Variants in DNMBP observed in about 807,000 individuals in gnomAD.
DNMBP encodes the protein dynamin binding protein, also known as dynamin-binding protein.
In DNMBP, 87 loss-of-function variants were observed where a neutral mutation model predicts 150.0. The observed-to-expected ratio is 0.58, with a 90% CI of 0.49 to 0.69. The LOEUF (loss-of-function observed/expected upper bound fraction) is 0.69. Among genes scored for constraint, DNMBP ranks in the 30% least tolerant of loss-of-function variants. The pLI is 0.00. For missense variants in DNMBP, 1,774 were observed against 1,949.0 expected, an observed-to-expected ratio of 0.91 and a Z score of 1.69; for synonymous variants, 711 against 750.4, an observed-to-expected ratio of 0.95 and a Z score of 0.86.
At chr10:99,913,971 G>A (rs1448818222) in intron 4 of DNMBP, 3 of 1,457,182 alleles carry the variant, frequency 2.1e-6, no homozygotes, top group South Asian at 1.4e-5. Context: ...CCCAGAGCTG[G>A]CTGTGTGTGG....
chr10:99,990,696 C>A (rs1045751123), intron 1 of DNMBP, among the ~76,000 whole-genome samples: 3 of 149,144 alleles, frequency 2.0e-5, no homozygotes, highest in Admixed American at 2.0e-4. Context: ...CATATATATA[C>A]ACACACATAT....
chr10:99,899,041 A>C (rs2039700999), intron 7 of DNMBP, among the ~76,000 whole-genome samples: 2 of 151,648 alleles, frequency 1.3e-5, no homozygotes, highest in South Asian at 4.2e-4. Flanking sequence ...AAAAACATAA[A>C]AATTAGCTAG....
chr10:99,909,792 C>G (rs942169655), intron 4 of DNMBP, among the ~76,000 whole-genome samples: 1 of 152,164 alleles, frequency 6.6e-6, no homozygotes, highest in Non-Finnish European at 1.5e-5. Context: ...CTAGTAGATA[C>G]AAACTTACTA....
At chr10:99,902,303 C>CT (rs34120125) in intron 6 of DNMBP, among the ~76,000 whole-genome samples, 1,928 of 82,636 alleles carry the variant, frequency 0.023, 187 homozygotes, top group African/African-American at 0.051. Flanking sequence ...AGCCTCCCTT[C>CT]TTTTTTTTTT....
chr10:99,932,209 A>C (rs1421443964), intron 4 of DNMBP, among the ~76,000 whole-genome samples: 2 of 152,210 alleles, frequency 1.3e-5, no homozygotes, highest in Non-Finnish European at 2.9e-5. Flanking sequence ...TTGTGAAATA[A>C]TATCCAGAAC....
intron 15 of DNMBP, among the ~76,000 whole-genome samples, chr10:99,882,606 T>C (rs774473361): frequency 2.0e-5 from 3 of 151,998 alleles, no homozygotes; most frequent in Non-Finnish European, 2.9e-5. Context: ...CCGTACCCCA[T>C]AGATATGAAC....
chr10:99,990,279 G>A (rs933814554), intron 1 of DNMBP, among the ~76,000 whole-genome samples: 3 of 152,114 alleles, frequency 2.0e-5, no homozygotes, highest in South Asian at 2.1e-4. Flanking sequence ...CTGGCTAGGC[G>A]TGGTGGCTCA....
intron 4 of DNMBP, among the ~76,000 whole-genome samples, chr10:99,917,294 T>C (rs545963872): frequency 2.0e-4 from 30 of 151,980 alleles, no homozygotes; most frequent in Middle Eastern, 3.4e-3. Flanking sequence ...GAGATGGAGG[T>C]TGCAGTGAGC....
At chr10:99,924,549 G>A (rs1018747470) in intron 4 of DNMBP, among the ~76,000 whole-genome samples, 4 of 152,344 alleles carry the variant, frequency 2.6e-5, no homozygotes, top group Admixed American at 2.0e-4. Context: ...TTTGTATTTT[G>A]TCTCTTCAAC....
chr10:99,996,615 AAAT>A (rs1226083732), intron 1 of DNMBP, among the ~76,000 whole-genome samples: 2 of 152,218 alleles, frequency 1.3e-5, no homozygotes, highest in East Asian at 3.8e-4. Context: ...CCAGCTAGTA[AAAT>A]AATAATAAAA....
intron 1 of DNMBP, among the ~76,000 whole-genome samples, chr10:99,976,897 T>C (rs2040733764): frequency 6.6e-6 from 1 of 152,216 alleles, no homozygotes; most frequent in African/African-American, 2.4e-5. Flanking sequence ...TTTTTCTTCT[T>C]ATACTACATT....
At chr10:99,947,615 G>C (rs2040372791) in intron 4 of DNMBP, among the ~76,000 whole-genome samples, 1 of 152,028 alleles carries the variant, frequency 6.6e-6, no homozygotes, top group African/African-American at 2.4e-5. Flanking sequence ...CTGCCTATTA[G>C]GTACTATGTT....
chr10:99,968,992 G>C (rs1166950812), intron 3 of DNMBP, 123 bp downstream of exon 3: 1 of 1,051,986 alleles, frequency 9.5e-7, no homozygotes, highest in Non-Finnish European at 1.4e-6. Context: ...CACGCTATTT[G>C]GTATTGCCGA....
At chr10:99,975,323 C>T (rs2040717040) in intron 1 of DNMBP, among the ~76,000 whole-genome samples, 2 of 151,360 alleles carry the variant, frequency 1.3e-5, no homozygotes, top group African/African-American at 2.4e-5. Flanking sequence ...CGCACCATTG[C>T]ACTCCAGCCT....
At chr10:99,918,330 G>A (rs2039988953) in intron 4 of DNMBP, among the ~76,000 whole-genome samples, 1 of 152,088 alleles carries the variant, frequency 6.6e-6, no homozygotes, top group South Asian at 2.1e-4. Context: ...AACTTCAGAG[G>A]TAAATCTATT....
intron 3 of DNMBP, among the ~76,000 whole-genome samples, chr10:99,959,686 C>CT (rs1194805572): frequency 1.3e-5 from 2 of 151,478 alleles, no homozygotes; most frequent in African/African-American, 4.9e-5. Context: ...GACCGCGTCT[C>CT]TATTTAAAAT....
chr10:99,893,595 G>A (rs780308062), intron 11 of DNMBP, among the ~76,000 whole-genome samples: 5 of 152,162 alleles, frequency 3.3e-5, no homozygotes, highest in Non-Finnish European at 5.9e-5. Flanking sequence ...TTAGCTGGGC[G>A]TGGTGGTGTA....
At chr10:99,998,178 T>C (rs1217474467) in intron 1 of DNMBP, among the ~76,000 whole-genome samples, 5 of 147,210 alleles carry the variant, frequency 3.4e-5, no homozygotes, top group African/African-American at 5.1e-5. Flanking sequence ...GAGGTTGCAA[T>C]GAGCAGTGAT....
At chr10:99,883,713 TAAG>T (rs1261685147) in intron 15 of DNMBP, among the ~76,000 whole-genome samples, 1 of 144,572 alleles carries the variant, frequency 6.9e-6, no homozygotes, top group Non-Finnish European at 1.5e-5. Context: ...GGGAACAGGC[TAAG>T]AAGGAACAGG....
Sources: gnomAD v4.1 joint callset for allele counts (sites outside exome capture counted in the v4.1 genomes callset) on GRCh38, gnomAD v4.1.1 for gene constraint, MANE v1.5 for transcripts, NCBI Gene and HGNC (gene_info 2026-07-23, HGNC 2026-07-21) for gene names.